DYNC2I2: variants seen among roughly 807,000 people sequenced by gnomAD.
The protein encoded by DYNC2I2 is dynein 2 intermediate chain 2.
A neutral mutation model predicts 52.0 loss-of-function variants in DYNC2I2; 39 were observed. The observed-to-expected ratio is 0.75, with a 90% confidence interval of 0.58 to 0.98. The LOEUF (loss-of-function observed/expected upper bound fraction) is 0.98, where lower values mean the gene tolerates loss of function less well. Ranked by LOEUF, DYNC2I2 falls within the 50% of genes least tolerant of loss-of-function variation. The pLI is 0.00. For synonymous variants in DYNC2I2, 359 were observed against 321.1 expected (o/e 1.12, Z -1.26); for missense variants, 743 against 728.4 (o/e 1.02, Z -0.23).
chr9:128,672,556 T>C, the DYNC2I2 span, among the ~76,000 whole-genome samples: 1 of 151,586 alleles, frequency 6.6e-6, no homozygotes, highest in East Asian at 1.9e-4. Flanking sequence ...GATAAAATTT[T>C]CCAACTACCA....
the DYNC2I2 span, among the ~76,000 whole-genome samples, chr9:128,671,170 T>C: frequency 6.6e-6 from 1 of 151,328 alleles, no homozygotes; most frequent in Non-Finnish European, 1.5e-5. Context: ...GGCACAGTGA[T>C]GAGCACCTGT....
intron 1 of DYNC2I2, among the ~76,000 whole-genome samples, chr9:128,655,004 GTCT>G (rs1336538283): frequency 1.3e-5 from 2 of 151,952 alleles, no homozygotes; most frequent in African/African-American, 4.8e-5. Context: ...AGAGATGTCC[GTCT>G]TCTTCTCTGA....
At chr9:128,661,304 CAAAAAAAAA>C (rs34937317), upstream of DYNC2I2, among the ~76,000 whole-genome samples, 1 of 62,220 alleles carries the variant, frequency 1.6e-5, no homozygotes, top group African/African-American at 4.9e-5. Flanking sequence ...GACTCCATCT[CAAAAAAAAA>C]AAAAAAAAAA....
chr9:128,639,243 A>G (rs1664664354), intron 2 of DYNC2I2, among the ~76,000 whole-genome samples: 1 of 151,796 alleles, frequency 6.6e-6, no homozygotes, highest in Admixed American at 6.6e-5. Context: ...TACCAAAAAT[A>G]CAAAATTAGC....
At chr9:128,641,006 G>A in intron 1 of DYNC2I2, 67 bp from the exon 2 acceptor site, 1 of 1,501,110 alleles carries the variant, frequency 6.7e-7, no homozygotes, top group Non-Finnish European at 8.9e-7. Flanking sequence ...CCAGCCCCCT[G>A]CCTGCCCCTC....
At chr9:128,663,878 C>A in the DYNC2I2 span, among the ~76,000 whole-genome samples, 1 of 150,784 alleles carries the variant, frequency 6.6e-6, no homozygotes, top group Non-Finnish European at 1.5e-5. Flanking sequence ...GTCTTGACCT[C>A]CTGGGCTCAA....
chr9:128,675,978 G>A, the DYNC2I2 span, among the ~76,000 whole-genome samples: 1 of 152,004 alleles, frequency 6.6e-6, no homozygotes, highest in Admixed American at 6.6e-5. Context: ...GACCAGCATG[G>A]GTAATATAGC....
intron 1 of DYNC2I2, among the ~76,000 whole-genome samples, chr9:128,653,557 A>C (rs559730538): frequency 1.3e-5 from 2 of 149,752 alleles, no homozygotes; most frequent in Admixed American, 1.3e-4. Flanking sequence ...TACTAAAAAA[A>C]AAAAAAAAAT....
chr9:128,674,613 C>A, the DYNC2I2 span, among the ~76,000 whole-genome samples: 1 of 151,970 alleles, frequency 6.6e-6, no homozygotes, highest in African/African-American at 2.4e-5. Context: ...CATGGTGGCA[C>A]GCACCTGTAA....
intron 5 of DYNC2I2, 51 bp downstream of exon 5, chr9:128,635,607 C>A: frequency 6.6e-7 from 1 of 1,514,228 alleles, no homozygotes. Flanking sequence ...TGGGCGCCCT[C>A]TCCCCAGCTC....
the DYNC2I2 span, among the ~76,000 whole-genome samples, chr9:128,677,530 C>T: frequency 3.9e-5 from 6 of 152,004 alleles, no homozygotes; most frequent in Non-Finnish European, 8.8e-5. Context: ...GGCACAGTGG[C>T]TCATGCCTAT....
chr9:128,674,135 G>A, the DYNC2I2 span, among the ~76,000 whole-genome samples: 1 of 149,560 alleles, frequency 6.7e-6, no homozygotes, highest in Non-Finnish European at 1.5e-5. Context: ...TTTGTTTTGT[G>A]TGTGTGTGTC....
chr9:128,677,200 T>C, the DYNC2I2 span, among the ~76,000 whole-genome samples: 3 of 131,346 alleles, frequency 2.3e-5, no homozygotes, highest in African/African-American at 8.7e-5. Flanking sequence ...CATAGCTCAC[T>C]CCTATAACTC....
chr9:128,677,145 G>C, the DYNC2I2 span, among the ~76,000 whole-genome samples: 1 of 150,988 alleles, frequency 6.6e-6, no homozygotes, highest in Admixed American at 6.6e-5. Flanking sequence ...ACCATGCCCA[G>C]CCAGTTTTAT....
chr9:128,672,609 A>AG, the DYNC2I2 span, among the ~76,000 whole-genome samples: 1 of 151,694 alleles, frequency 6.6e-6, no homozygotes, highest in Non-Finnish European at 1.5e-5. Flanking sequence ...GCTTCTGGGG[A>AG]GAAAAAAAAA....
rs201326058 is a variant in DYNC2I2 at position 128,634,785 on chromosome 9, C to A, written c.1118G>T (p.Arg373Leu). ...CCGCAGGGGCACGGAGCTGGGCATC[C>A]GCGTGAGGGCTGCCTCTCCAGCTGC... ...SLAAGEAALTRMPSSVPLRAP... is the reference protein window; with the variant it reads ...SLAAGEAALTLMPSSVPLRAP... Residue 373 changes from arginine (R) to leucine (L), a missense_variant, in exon 7 of 9, where the codon CGG (arginine) becomes CTG (leucine). Transcript: ENST00000372715. 572 of 1,610,658 alleles carry A rather than the reference C, an allele frequency of 3.6e-4. No homozygotes were observed. Among genetic ancestry groups the A allele is most frequent in the Non-Finnish European group, 4.6e-4 (537 of 1,178,868 alleles).
chr9:128,655,498 G>A (rs1468672647), intron 1 of DYNC2I2, among the ~76,000 whole-genome samples: 4 of 122,674 alleles, frequency 3.3e-5, no homozygotes, highest in East Asian at 2.3e-4. Context: ...GCGACAGAGC[G>A]AGACTCCGTC....
At chr9:128,640,657 G>A (rs762127163) in intron 2 of DYNC2I2, 34 bp downstream of exon 2, 1 of 1,596,902 alleles carries the variant, frequency 6.3e-7, no homozygotes, top group Non-Finnish European at 8.6e-7. Flanking sequence ...TGGGGCAGGG[G>A]CTCGACCCGA....
In DYNC2I2 at chr9:128,652,432, CAAAA is replaced by C. The variant is rs59498068; in HGVS notation, c.186+4105_186+4108del. Among the ~76,000 whole-genome samples the C allele has an allele frequency of 1.4e-4, 13 of 92,872 alleles. No individual in the cohort carries two copies. The South Asian group carries it at 2.0e-3, about 14-fold the overall frequency. 60.9% of individuals were successfully genotyped at this position (92,872 alleles called of 152,430 possible). A position where few individuals can be genotyped will look rare whatever the true frequency, so the allele number is the denominator to read the frequency against. On this transcript the variant is annotated intron_variant, in intron 1 of 8. Transcript: ENST00000372715. ...GGGGAACAAGAGCGAAACTTCATCT[CAAAA>C]AAAAAAAAAAAAAAAGAAAGAAAGA... is the stretch of plus-strand genomic sequence containing the variant.
Sources: allele counts gnomAD v4.1 joint callset (sites outside exome capture counted in the v4.1 genomes callset), GRCh38; gene constraint gnomAD v4.1.1; transcripts MANE v1.5; gene names NCBI Gene and HGNC (gene_info 2026-07-23, HGNC 2026-07-21).